Variants in YIPF7 observed in about 807,000 individuals in gnomAD.
YIPF7 encodes protein YIPF7.
Under a neutral mutation model 27.2 loss-of-function variants are expected in YIPF7, and 35 were observed. That is an observed-to-expected ratio of 1.29 (90% CI 0.98 to 1.70). The LOEUF (loss-of-function observed/expected upper bound fraction) is 1.70, where lower values mean the gene tolerates loss of function less well. Among genes scored for constraint, YIPF7 ranks in the 40% most tolerant of loss-of-function variants. YIPF7 has a pLI of 0.00. For missense variants in YIPF7, 358 were observed against 303.7 expected, an observed-to-expected ratio of 1.18 and a Z score of -1.33; for synonymous variants, 137 against 110.4, an observed-to-expected ratio of 1.24 and a Z score of -1.51.
At chr4:44,643,731 T>C (rs966108540) in intron 2 of YIPF7, among the ~76,000 whole-genome samples, 5 of 152,112 alleles carry the variant, frequency 3.3e-5, no homozygotes, top group Non-Finnish European at 7.4e-5. Context: ...GCTCCAGCCT[T>C]GGGGCAAATG....
intron 1 of YIPF7, among the ~76,000 whole-genome samples, chr4:44,661,688 G>T (rs1434930093): frequency 6.6e-6 from 1 of 152,110 alleles, no homozygotes. Flanking sequence ...TTCCCACCAG[G>T]GAGGAGACAG....
rs192452237 is a variant in YIPF7, at chr4:44,658,703, G to C, written c.-2+1746C>G. ...TGCTGATAAAGGCATACCCGAGACT[G>C]GGTAATTTACAAAGAAAAATCATGG... is the stretch of plus-strand genomic sequence containing the variant. On this transcript the variant is annotated intron_variant, in intron 2 of 2. Coordinates refer to the YIPF7 transcript ENST00000508947. Among the ~76,000 whole-genome samples, 135 of 152,274 alleles carry C rather than the reference G, an allele frequency of 8.9e-4. 1 individual carries two copies. In the Middle Eastern group the frequency reaches 0.014, roughly 15 times the overall value.
chr4:44,647,746 C>A (rs1713578012), intron 2 of YIPF7, among the ~76,000 whole-genome samples: 2 of 152,100 alleles, frequency 1.3e-5, no homozygotes, highest in African/African-American at 2.4e-5. Flanking sequence ...AAAGCAGCAT[C>A]TATTTGCTTA....
At chr4:44,650,250 G>T in intron 1 of YIPF7, 149 bp from the exon 2 acceptor site, 1 of 665,346 alleles carries the variant, frequency 1.5e-6, no homozygotes, top group South Asian at 1.7e-5. Flanking sequence ...AAGTATTGGG[G>T]GAAGGGTATA....
intron 2 of YIPF7, among the ~76,000 whole-genome samples, chr4:44,638,136 T>A (rs1282690499): frequency 6.6e-6 from 1 of 151,056 alleles, no homozygotes; most frequent in African/African-American, 2.4e-5. Flanking sequence ...AAAACCATGA[T>A]GCGATACCAC....
rs141724998 is a variant in YIPF7 at position 44,625,127 on chromosome 4, A to T, written c.427-345T>A. Among the ~76,000 whole-genome samples, 93 of 152,332 alleles carry T rather than the reference A, an allele frequency of 6.1e-4. 1 individual carries two copies. The East Asian group carries it at 0.017, about 28-fold the overall frequency. Reference sequence around the variant, plus strand: ...TATTTATTAAACAAATAAGTGATTGAACAGAGGAATAAAAAATCCAATTTT... The same window carrying T: ...TATTTATTAAACAAATAAGTGATTGTACAGAGGAATAAAAAATCCAATTTT... On this transcript the variant is annotated intron_variant, in intron 4 of 5. Coordinates refer to ENST00000415895, the MANE Select transcript of YIPF7 (RefSeq NM_182592.3).
intron 2 of YIPF7, among the ~76,000 whole-genome samples, chr4:44,636,975 C>A (rs1023690304): frequency 3.9e-5 from 6 of 152,112 alleles, no homozygotes; most frequent in Non-Finnish European, 7.4e-5. Flanking sequence ...GTATTTTTAG[C>A]ACGTTTATGA....
intron 3 of YIPF7, 100 bp from the exon 4 acceptor site, chr4:44,629,648 T>C (rs575244981): frequency 1.1e-6 from 1 of 899,860 alleles, no homozygotes; most frequent in African/African-American, 1.7e-5. Context: ...TTAATTTACT[T>C]AGCATTTTAA....
At chr4:44,626,502 G>A (rs1288269294) in intron 4 of YIPF7, among the ~76,000 whole-genome samples, 3 of 152,106 alleles carry the variant, frequency 2.0e-5, no homozygotes, top group African/African-American at 7.2e-5. Context: ...CAAATGGAGT[G>A]GGGCAAATAG....
intron 4 of YIPF7, 170 bp downstream of exon 4, chr4:44,629,233 G>T: frequency 1.4e-6 from 1 of 690,272 alleles, no homozygotes; most frequent in Non-Finnish European, 2.0e-6. Context: ...TTTAGCTGTT[G>T]CAATGCATAA....
chr4:44,625,707 C>T (rs1010294649), intron 4 of YIPF7, among the ~76,000 whole-genome samples: 1 of 152,098 alleles, frequency 6.6e-6, no homozygotes, highest in African/African-American at 2.4e-5. Flanking sequence ...TGAATACAAG[C>T]CCCAATAAAT....
At chr4:44,658,552 C>T (rs539042673) in intron 2 of YIPF7, among the ~76,000 whole-genome samples, 2 of 152,202 alleles carry the variant, frequency 1.3e-5, no homozygotes, top group Non-Finnish European at 2.9e-5. Flanking sequence ...ACAATATATA[C>T]CGGGGGAATG....
intron 3 of YIPF7, among the ~76,000 whole-genome samples, chr4:44,632,293 G>C (rs1217544736): frequency 6.6e-6 from 1 of 152,116 alleles, no homozygotes; most frequent in African/African-American, 2.4e-5. Flanking sequence ...TTGTTTTGCT[G>C]TCATCTAGTG....
At chr4:44,631,585 A>G (rs149526098) in intron 3 of YIPF7, among the ~76,000 whole-genome samples, 169 of 152,160 alleles carry the variant, frequency 1.1e-3, no homozygotes, top group African/African-American at 3.9e-3. Flanking sequence ...GACATCTGTT[A>G]TTTTAAGCTT....
At chr4:44,661,882 T>C (rs942467116) in intron 1 of YIPF7, among the ~76,000 whole-genome samples, 2 of 152,238 alleles carry the variant, frequency 1.3e-5, no homozygotes, top group Admixed American at 6.5e-5. Flanking sequence ...TAATTGGTTT[T>C]TATCTGTCAC....
intron 4 of YIPF7, among the ~76,000 whole-genome samples, chr4:44,626,149 A>G (rs767089727): frequency 6.6e-5 from 10 of 152,230 alleles, no homozygotes; most frequent in Non-Finnish European, 5.9e-5. Flanking sequence ...AAGTCCTTTC[A>G]TAAATATTCC....
chr4:44,629,017 G>T (rs146129551), intron 4 of YIPF7, among the ~76,000 whole-genome samples: 1 of 152,228 alleles, frequency 6.6e-6, no homozygotes, highest in African/African-American at 2.4e-5. Context: ...AGAAGATGGT[G>T]ACCAAAGAGA....
intron 2 of YIPF7, among the ~76,000 whole-genome samples, chr4:44,640,551 G>A (rs942827485): frequency 1.3e-5 from 2 of 152,154 alleles, no homozygotes; most frequent in Non-Finnish European, 2.9e-5. Context: ...GGAAGGGTGG[G>A]ACCAGTCCCA....
At chr4:44,646,482 T>G (rs1340974046) in intron 2 of YIPF7, among the ~76,000 whole-genome samples, 1 of 152,194 alleles carries the variant, frequency 6.6e-6, no homozygotes, top group Non-Finnish European at 1.5e-5. Context: ...ATTTTTCCAG[T>G]TGTTCACACC....
Sources: gnomAD v4.1 joint callset for allele counts (sites outside exome capture counted in the v4.1 genomes callset) on GRCh38, gnomAD v4.1.1 for gene constraint, MANE v1.5 for transcripts, NCBI Gene and HGNC (gene_info 2026-07-23, HGNC 2026-07-21) for gene names.